Variants in MGST3 observed in about 807,000 individuals in gnomAD.
The protein encoded by MGST3 is microsomal glutathione S-transferase 3.
A neutral mutation model predicts 15.8 loss-of-function variants in MGST3; 13 were observed. That is an observed-to-expected ratio of 0.82 (90% CI 0.54 to 1.31). The LOEUF (loss-of-function observed/expected upper bound fraction) is 1.31. MGST3 is among the 50% of genes most tolerant of loss of function. The probability of loss-of-function intolerance (pLI) is 0.00; values close to 1 mark genes in which losing one functional copy is unlikely to be tolerated. For missense variants in MGST3, 155 were observed against 192.4 expected, an observed-to-expected ratio of 0.81 and a Z score of 1.15; for synonymous variants, 49 against 68.1, an observed-to-expected ratio of 0.72 and a Z score of 1.38.
At chr1:165,634,258 T>A (rs1208728092) in intron 1 of MGST3, among the ~76,000 whole-genome samples, 1 of 152,030 alleles carries the variant, frequency 6.6e-6, no homozygotes, top group East Asian at 1.9e-4. Context: ...CCAGACTGCT[T>A]GGGGGTGTGG....
intron 2 of MGST3, chr1:165,650,562 C>CT (rs1648523605): frequency 2.7e-5 from 5 of 182,940 alleles, no homozygotes; most frequent in East Asian, 1.4e-4. Context: ...TTAGTTTCTT[C>CT]TTTTTTTTCC....
chr1:165,631,714 T>A (rs564664161), intron 1 of MGST3, among the ~76,000 whole-genome samples: 73 of 152,110 alleles, frequency 4.8e-4, no homozygotes, highest in African/African-American at 1.6e-3. Flanking sequence ...GGGGGAGTGG[T>A]TGTGCAGGCC....
chr1:165,654,250 C>G (rs374493492), intron 4 of MGST3, 29 bp from the exon 5 acceptor site: 3 of 1,607,358 alleles, frequency 1.9e-6, no homozygotes, highest in African/African-American at 2.7e-5. Flanking sequence ...TTCTTTCATG[C>G]AAATACTAAT....
chr1:165,649,207 A>G (rs1571154672), intron 1 of MGST3: 2 of 154,844 alleles, frequency 1.3e-5, no homozygotes, highest in African/African-American at 4.8e-5. Context: ...CTGCTGCTGC[A>G]CCCGCACGTG....
chr1:165,655,226 C>G, intron 5 of MGST3, 142 bp from the exon 6 acceptor site: 1 of 1,006,768 alleles, frequency 9.9e-7, no homozygotes, highest in South Asian at 1.4e-5. Context: ...CCAACAGCTT[C>G]AGGCTAAAGA....
intron 1 of MGST3, among the ~76,000 whole-genome samples, chr1:165,642,757 T>G (rs1351381161): frequency 6.6e-6 from 1 of 152,184 alleles, no homozygotes; most frequent in Non-Finnish European, 1.5e-5. Context: ...TGAAAGGTGT[T>G]AAGTAATATT....
intron 1 of MGST3, chr1:165,649,287 T>TG (rs1449702925): frequency 6.4e-6 from 1 of 156,550 alleles, no homozygotes; most frequent in Non-Finnish European, 1.4e-5. Context: ...GCAAAAAACT[T>TG]GGAATCACTG....
At chr1:165,650,829 C>T (rs1218408218) in intron 2 of MGST3, 185 bp from the exon 3 acceptor site, 6 of 628,638 alleles carry the variant, frequency 9.5e-6, no homozygotes, top group South Asian at 1.8e-5. Context: ...TTAATAGAAA[C>T]ATTGACTCTG....
At chr1:165,632,017 G>A in intron 1 of MGST3, 2 of 524,322 alleles carry the variant, frequency 3.8e-6, no homozygotes. Context: ...ACAGTAGTGG[G>A]GCAGTTGCAG....
rs182725497 is a variant in MGST3 at position 165,650,767 on chromosome 1, C to T, written c.118-247C>T. 321 of 512,820 alleles carry T rather than the reference C, an allele frequency of 6.3e-4. 1 individual carries two copies. Among genetic ancestry groups the T allele is most frequent in the Non-Finnish European group, 3.2e-5 (9 of 280,750 alleles). The allele number at this position is 512,820 out of a possible 1,614,324, so 31.8% of individuals were successfully genotyped here. A position where few individuals can be genotyped will look rare whatever the true frequency, so the allele number is the denominator to read the frequency against. On this transcript the variant is annotated intron_variant, in intron 2 of 5. Coordinates refer to ENST00000367889, the MANE Select transcript of MGST3 (RefSeq NM_004528.4). The stretch of plus-strand genomic sequence containing the variant: ...AGCACGGAGTTTGGCGCAAAGCTGC[C>T]TCTTTCCCTTGTGCAACTACAGCGC...
At chr1:165,650,402 G>A (rs965470866) in intron 2 of MGST3, 8 of 246,746 alleles carry the variant, frequency 3.2e-5, no homozygotes, top group Admixed American at 1.0e-4. Flanking sequence ...GACATAGGAA[G>A]GTGGTCTATT....
At chr1:165,648,161 GCCAGAGACT>G (rs1338040391) in intron 1 of MGST3, among the ~76,000 whole-genome samples, 1 of 152,246 alleles carries the variant, frequency 6.6e-6, no homozygotes, top group Non-Finnish European at 1.5e-5. Flanking sequence ...TTGGAGGGAA[GCCAGAGACT>G]CCTTGCTCTC....
chr1:165,644,287 A>G (rs1415961280), intron 1 of MGST3, among the ~76,000 whole-genome samples: 1 of 152,226 alleles, frequency 6.6e-6, no homozygotes, highest in African/African-American at 2.4e-5. Context: ...CACCCAGGCT[A>G]TATAGTCTAG....
chr1:165,653,898 T>C (rs1648629243), intron 4 of MGST3: 1 of 302,024 alleles, frequency 3.3e-6, no homozygotes, highest in South Asian at 3.1e-5. Flanking sequence ...AAAACGGCAT[T>C]TCCCCTAGTC....
chr1:165,641,258 C>T (rs78801018), intron 1 of MGST3, among the ~76,000 whole-genome samples: 2,402 of 152,324 alleles, frequency 0.016, 32 homozygotes, highest in Non-Finnish European at 0.021. Flanking sequence ...TGTCATCATT[C>T]GAAGGTCAGG....
chr1:165,642,711 A>G (rs1386933679), intron 1 of MGST3, among the ~76,000 whole-genome samples: 1 of 152,216 alleles, frequency 6.6e-6, no homozygotes, highest in Non-Finnish European at 1.5e-5. Flanking sequence ...AGGTTATATT[A>G]GTATCTCCAT....
At chr1:165,634,719 C>A (rs546736003) in intron 1 of MGST3, among the ~76,000 whole-genome samples, 24 of 150,502 alleles carry the variant, frequency 1.6e-4, no homozygotes, top group South Asian at 1.1e-3. Context: ...CATGCTCACT[C>A]GTGCTCTCTC....
At chr1:165,645,630 T>C (rs1648377746) in intron 1 of MGST3, 1 of 152,140 alleles carries the variant, frequency 6.6e-6, no homozygotes, top group African/African-American at 2.4e-5. Flanking sequence ...GGCAGCGCAG[T>C]AGGTTTGTTT....
rs140858376 is a variant in MGST3, at chr1:165,639,250, G to C, written c.-8+7957G>C. Among the ~76,000 whole-genome samples, 64 of 152,272 alleles carry C rather than the reference G, an allele frequency of 4.2e-4. 1 individual carries two copies. The Middle Eastern group carries it at 0.017, about 40-fold the overall frequency. On this transcript the variant is annotated intron_variant, in intron 1 of 5. Transcript: ENST00000367889. ...GGTGCTTCCCGTACTGGGGGAAGAG[G>C]TGATTTAACTTCTGAGTAAGGGACA...
Sources: gnomAD v4.1 joint callset for allele counts (sites outside exome capture counted in the v4.1 genomes callset) on GRCh38, gnomAD v4.1.1 for gene constraint, MANE v1.5 for transcripts, NCBI Gene and HGNC (gene_info 2026-07-23, HGNC 2026-07-21) for gene names.